USP44: variants seen among roughly 807,000 people sequenced by gnomAD.
The protein encoded by USP44 is ubiquitin carboxyl-terminal hydrolase 44.
A neutral mutation model predicts 69.0 loss-of-function variants in USP44; 61 were observed. That is an observed-to-expected ratio of 0.88 (90% CI 0.72 to 1.09). The LOEUF (loss-of-function observed/expected upper bound fraction) is 1.09. USP44 is among the 50% of genes least tolerant of loss of function. The pLI is 0.00. For synonymous variants in USP44, 297 were observed against 295.4 expected, an observed-to-expected ratio of 1.01 and a Z score of -0.06; for missense variants, 753 against 849.9, an observed-to-expected ratio of 0.89 and a Z score of 1.42.
At position 95,530,646 on chromosome 12, in the gene USP44, TATAGATAGATAGATAGATAG is replaced by T. The variant is rs56051106; in HGVS notation, c.1429-1664_1429-1645del. 9.4e-3 allele frequency among the ~76,000 whole-genome samples: 1,387 copies of T among 147,450 alleles called. 28 individuals carry two copies. The highest frequency in any genetic ancestry group is 0.033 in the African/African-American group (1,323 of 39,786). On this transcript the variant is annotated intron_variant, in intron 2 of 5. Transcript: ENST00000258499. ...ATAGCAACTTTCATACTACTGGAAATATAGATAGATAGATAGATAGATAGATAGATAGATAGATAGATAGA... is the reference window on the plus strand; with the variant it reads ...ATAGCAACTTTCATACTACTGGAAATATAGATAGATAGATAGATAGATAGA...
chr12:95,520,007 C>CAAAAAAAAAAAAAAAAAAAAA (rs56348745), intron 5 of USP44, among the ~76,000 whole-genome samples: 2 of 34,528 alleles, frequency 5.8e-5, no homozygotes, highest in African/African-American at 2.2e-4. Flanking sequence ...GACTCTGTCT[C>CAAAAAAAAAAAAAAAAAAAAA]AAAAAAAAAA....
intron 1 of USP44, among the ~76,000 whole-genome samples, chr12:95,535,025 C>A (rs950206584): frequency 8.5e-5 from 13 of 152,202 alleles, no homozygotes; most frequent in African/African-American, 3.1e-4. Context: ...ATATATCTCA[C>A]TAATATTTAT....
chr12:95,532,178 T>TTTTTTC (rs1555200234), intron 2 of USP44, among the ~76,000 whole-genome samples: 4,494 of 149,004 alleles, frequency 0.03, 238 homozygotes, highest in African/African-American at 0.11. Flanking sequence ...TTTTTTTTTT[T>TTTTTTC]TTTTTTTGAG....
rs138575160 is a variant in USP44 at position 95,527,739 on chromosome 12, C to A, written c.1624+1068G>T. Among the ~76,000 whole-genome samples, 1,393 of 152,256 alleles carry A rather than the reference C, an allele frequency of 9.1e-3. 28 individuals carry two copies. Among genetic ancestry groups the A allele is most frequent in the African/African-American group, 0.032 (1,334 of 41,524 alleles). On this transcript the variant is annotated intron_variant, in intron 3 of 5. Transcript: ENST00000258499. ...ACCTCAAGCGATCCACCTGCCTCGG[C>A]CTCCCAAAGTGTTAGGATTACAGGC... is the stretch of plus-strand genomic sequence containing the variant.
rs983801800 is a variant in USP44 at position 95,533,351 on chromosome 12, T to C, written c.906A>G (p.Leu302=). The C allele has an allele frequency of 6.2e-7, 1 of 1,613,496 alleles. No homozygotes were observed. Among genetic ancestry groups the C allele is most frequent in the African/African-American group, 1.3e-5 (1 of 74,902 alleles). The change falls in exon 2 of 6, where the codon TTA becomes TTG. Residue 302 remains leucine (L), a synonymous_variant. Coordinates refer to ENST00000258499, the MANE Select transcript of USP44 (RefSeq NM_032147.5). ...SHLLIFRQCF[L]KLDLNQWLAM... ...CCAGCCATTGGTTCAGATCAAGCTT[T>C]AAAAAACATTGTCGAAAAATAAGTA...
chr12:95,529,036 A>C, intron 2 of USP44, 34 bp from the exon 3 acceptor site: 8 of 1,534,028 alleles, frequency 5.2e-6, no homozygotes, highest in Non-Finnish European at 7.0e-6. Flanking sequence ...TAAGATTATA[A>C]TCTTTCCATC....
chr12:95,530,852 A>G (rs1194210135), intron 2 of USP44, among the ~76,000 whole-genome samples: 1 of 152,102 alleles, frequency 6.6e-6, no homozygotes, highest in Non-Finnish European at 1.5e-5. Context: ...CAATAGGGGA[A>G]TGGTTAAGTT....
At chr12:95,546,946 A>G (rs1311844948) in intron 1 of USP44, 1 of 152,212 alleles carries the variant, frequency 6.6e-6, no homozygotes, top group Admixed American at 6.5e-5. Flanking sequence ...AGTTTGGTAG[A>G]GTGGATATGA....
In USP44 at chr12:95,517,217, T is replaced by TAATA. The variant is rs1054885225; in HGVS notation, c.*933_*936dup. On this transcript the variant is annotated 3_prime_UTR_variant, in exon 6 of 6. Transcript: ENST00000258499. ...ATTTAGAATGAGATGCTAGACATAA[T>TAATA]AATAGTCCAGTTGCCAATTTTGAAC... is the stretch of plus-strand genomic sequence containing the variant. The TAATA allele has an allele frequency of 2.6e-4, 39 of 151,950 alleles. No homozygotes were observed. Among genetic ancestry groups the TAATA allele is most frequent in the African/African-American group, 9.4e-4 (39 of 41,456 alleles). The allele number at this position is 151,950 out of a possible 1,614,324, so 9.4% of individuals were successfully genotyped here. A position where few individuals can be genotyped will look rare whatever the true frequency, so the allele number is the denominator to read the frequency against.
intron 4 of USP44, chr12:95,521,990 G>A (rs769747490): frequency 6.3e-6 from 6 of 956,762 alleles, no homozygotes; most frequent in Non-Finnish European, 6.2e-6. Context: ...CAGCACAACC[G>A]CCCATTGGTG....
chr12:95,549,054 G>A (rs78949572), intron 1 of USP44, among the ~76,000 whole-genome samples: 5,861 of 152,278 alleles, frequency 0.038, 152 homozygotes, highest in East Asian at 0.1. Context: ...CTTCGCACCT[G>A]TAGTGCCGTC....
At chr12:95,535,710 G>A (rs927484616) in intron 1 of USP44, among the ~76,000 whole-genome samples, 1 of 152,252 alleles carries the variant, frequency 6.6e-6, no homozygotes, top group African/African-American at 2.4e-5. Context: ...TATTTAAAAA[G>A]CCGTGATCAC....
At chr12:95,524,921 A>C in intron 3 of USP44, 133 bp from the exon 4 acceptor site, 2 of 782,024 alleles carry the variant, frequency 2.6e-6, no homozygotes, top group Non-Finnish European at 1.9e-6. Context: ...TGTGCTAGAG[A>C]TAGACATGGG....
intron 2 of USP44, among the ~76,000 whole-genome samples, chr12:95,532,428 A>G (rs2077050861): frequency 1.3e-5 from 2 of 152,040 alleles, no homozygotes; most frequent in Non-Finnish European, 2.9e-5. Context: ...TTGGCTTCCC[A>G]AAGTGCTGGG....
intron 4 of USP44, among the ~76,000 whole-genome samples, chr12:95,524,100 A>G (rs1475698321): frequency 2.0e-5 from 3 of 151,690 alleles, no homozygotes; most frequent in Non-Finnish European, 4.4e-5. Context: ...TGTATGTTTG[A>G]GATGGAGTCT....
chr12:95,527,104 T>G (rs2076864812), intron 3 of USP44, among the ~76,000 whole-genome samples: 1 of 151,794 alleles, frequency 6.6e-6, no homozygotes, highest in East Asian at 1.9e-4. Flanking sequence ...ATTCTTTTTT[T>G]TTTTTTTTGA....
At chr12:95,551,532 T>G (rs1273103507), upstream of USP44, 2 of 152,734 alleles carry the variant, frequency 1.3e-5, no homozygotes, top group East Asian at 3.8e-4. Flanking sequence ...CCCCCAGCAG[T>G]GCATTATTAT....
intron 1 of USP44, among the ~76,000 whole-genome samples, chr12:95,538,935 C>T (rs571327358): frequency 6.6e-6 from 1 of 152,322 alleles, no homozygotes; most frequent in East Asian, 1.9e-4. Flanking sequence ...TTCGCTCTGG[C>T]GTCAGCAGAT....
intron 4 of USP44, 115 bp from the exon 5 acceptor site, chr12:95,521,317 G>A: frequency 1.0e-6 from 1 of 955,692 alleles, no homozygotes; most frequent in Admixed American, 2.1e-5. Flanking sequence ...AGTATCATAT[G>A]TAATATAAAA....
Sources: gnomAD v4.1 joint callset for allele counts (sites outside exome capture counted in the v4.1 genomes callset) on GRCh38, gnomAD v4.1.1 for gene constraint, MANE v1.5 for transcripts, NCBI Gene and HGNC (gene_info 2026-07-23, HGNC 2026-07-21) for gene names.